The following EFCAB11 variants were observed in gnomAD, a reference collection of about 807,000 sequenced individuals.
EFCAB11 encodes the protein EF-hand calcium-binding domain-containing protein 11.
In EFCAB11, 14 loss-of-function variants were observed where a neutral mutation model predicts 23.0. The ratio of observed to expected loss-of-function variants is 0.61; its 90% confidence interval spans 0.40 to 0.95. The LOEUF is 0.95. EFCAB11 is among the 40% of genes least tolerant of loss of function. EFCAB11 has a pLI of 0.00. For synonymous variants in EFCAB11, 65 were observed against 66.6 expected, an observed-to-expected ratio of 0.98 and a Z score of 0.11; for missense variants, 198 against 195.8, an observed-to-expected ratio of 1.01 and a Z score of -0.07.
intron 5 of EFCAB11, among the ~76,000 whole-genome samples, chr14:89,834,158 C>T (rs925835527): frequency 9.9e-5 from 15 of 150,790 alleles, no homozygotes; most frequent in Non-Finnish European, 2.1e-4. Flanking sequence ...ATAGAGACCA[C>T]AAGGTCAGGA....
At chr14:89,875,382 G>A (rs1471402569) in intron 5 of EFCAB11, among the ~76,000 whole-genome samples, 1 of 152,162 alleles carries the variant, frequency 6.6e-6, no homozygotes, top group Non-Finnish European at 1.5e-5. Flanking sequence ...AATTCAAGAT[G>A]AGATTTGGGT....
At chr14:89,934,271 T>C (rs942263439) in intron 3 of EFCAB11, among the ~76,000 whole-genome samples, 3 of 151,882 alleles carry the variant, frequency 2.0e-5, no homozygotes, top group East Asian at 3.9e-4. Context: ...TGGCAAGAGA[T>C]GTGGTTGCCA....
intron 5 of EFCAB11, among the ~76,000 whole-genome samples, chr14:89,802,068 A>G (rs748455247): frequency 6.6e-6 from 1 of 152,182 alleles, no homozygotes; most frequent in African/African-American, 2.4e-5. Context: ...TGTTGACATC[A>G]TAACAATTTC....
chr14:89,925,586 A>C (rs1240591196), intron 5 of EFCAB11, among the ~76,000 whole-genome samples: 1 of 152,142 alleles, frequency 6.6e-6, no homozygotes, highest in East Asian at 1.9e-4. Flanking sequence ...TCTTTGATAC[A>C]GTACACAAAC....
intron 5 of EFCAB11, chr14:89,924,365 G>T (rs1890120224): frequency 2.6e-6 from 3 of 1,160,194 alleles, no homozygotes; most frequent in African/African-American, 3.2e-5. Context: ...GTGGCAATCT[G>T]CCTGTGCACT....
intron 5 of EFCAB11, among the ~76,000 whole-genome samples, chr14:89,884,188 G>A (rs925635196): frequency 1.3e-5 from 2 of 152,040 alleles, no homozygotes; most frequent in Non-Finnish European, 2.9e-5. Context: ...TTATACAATT[G>A]TATATCCTCT....
chr14:89,909,318 C>T (rs1370684497), intron 5 of EFCAB11, among the ~76,000 whole-genome samples: 1 of 152,230 alleles, frequency 6.6e-6, no homozygotes, highest in Non-Finnish European at 1.5e-5. Flanking sequence ...TGACTCACGC[C>T]TGTAATCCCA....
chr14:89,843,803 C>A (rs557455337), intron 5 of EFCAB11, among the ~76,000 whole-genome samples: 1 of 152,182 alleles, frequency 6.6e-6, no homozygotes, highest in Non-Finnish European at 1.5e-5. Context: ...AACGTTAGCA[C>A]ATTTCATTAT....
rs1462313068 is a variant in EFCAB11, at chr14:89,835,193, C to T, written c.411-37869G>A. On this transcript the variant is annotated intron_variant, in intron 5 of 5. Coordinates refer to ENST00000316738, the MANE Select transcript of EFCAB11 (RefSeq NM_145231.4). ...TTCTGTGGAAACCAGAAAGAGCTGC[C>T]TGAGAGAACACAGCAGGATGCCCGG... Among the ~76,000 whole-genome samples, 3 of 152,310 alleles carry T rather than the reference C, an allele frequency of 2.0e-5. No homozygotes were observed. The East Asian group carries it at 5.8e-4, about 29-fold the overall frequency.
chr14:89,954,691 C>G lies in EFCAB11; in HGVS notation c.-31G>C, dbSNP rs377351030. On this transcript the variant is annotated 5_prime_UTR_variant, in exon 1 of 6. Coordinates refer to ENST00000316738, the MANE Select transcript of EFCAB11 (RefSeq NM_145231.4). ...CTACAACAACCGAGCCCCAGCAACC[C>G]AACCAGCTACCACCGCTTTCCCAGC... is the stretch of plus-strand genomic sequence containing the variant. 1.2e-6 allele frequency: 2 copies of G among 1,602,134 alleles called. No individual in the cohort carries two copies. The highest frequency in any genetic ancestry group is 1.7e-5 in the Admixed American group (1 of 59,150).
At chr14:89,846,824 T>C (rs888286478) in intron 5 of EFCAB11, among the ~76,000 whole-genome samples, 7 of 152,178 alleles carry the variant, frequency 4.6e-5, no homozygotes, top group Non-Finnish European at 8.8e-5. Flanking sequence ...CTCTGCCTCC[T>C]TGATCTTCTA....
At position 89,954,350 on chromosome 14, in the gene EFCAB11, G is replaced by A. The variant is rs1352025218; in HGVS notation, c.75+236C>T. 7 of 1,535,930 alleles carry A rather than the reference G, an allele frequency of 4.6e-6. No individual in the cohort carries two copies. The African/African-American group carries it at 6.8e-5, about 15-fold the overall frequency. On this transcript the variant is annotated intron_variant, in intron 1 of 5. Coordinates refer to ENST00000316738, the MANE Select transcript of EFCAB11 (RefSeq NM_145231.4). ...AAGGCGGGAGAGATGCAGACTCAAGGTTACCATTAATAGACTATATAGAGA... is the reference window on the plus strand; with the variant it reads ...AAGGCGGGAGAGATGCAGACTCAAGATTACCATTAATAGACTATATAGAGA...
At chr14:89,822,532 G>A (rs888728980) in intron 5 of EFCAB11, among the ~76,000 whole-genome samples, 1 of 152,176 alleles carries the variant, frequency 6.6e-6, no homozygotes, top group Non-Finnish European at 1.5e-5. Context: ...GAGGCTGAGA[G>A]TCTAGAATTT....
chr14:89,883,059 C>T (rs1001236748), intron 5 of EFCAB11, among the ~76,000 whole-genome samples: 6 of 152,106 alleles, frequency 3.9e-5, no homozygotes, highest in Non-Finnish European at 7.4e-5. Context: ...CTTTGCCTTC[C>T]ACCAAGAGTG....
At position 89,932,585 on chromosome 14, in the gene EFCAB11, T is replaced by C. The variant is rs759315895; in HGVS notation, c.260A>G (p.Lys87Arg). The C allele has an allele frequency of 5.6e-6, 9 of 1,613,880 alleles. No homozygotes were observed. In the East Asian group the frequency reaches 6.7e-5, roughly 12 times the overall value. Residue 87 changes from lysine to arginine, a missense_variant, in exon 4 of 6, where the codon AAG (lysine) becomes AGG (arginine). Coordinates refer to ENST00000316738, the MANE Select transcript of EFCAB11 (RefSeq NM_145231.4). ...EGFLNIVRKK[K>R]EAQRYRNEVR... The stretch of plus-strand genomic sequence containing the variant: ...TTCGTTCCGATATCGTTGAGCTTCC[T>C]TCTTTTTCCTGACAATATTTAAAAA...
rs554637156 is a variant in EFCAB11, at chr14:89,951,885, A to G, written c.172-1743T>C. The stretch of plus-strand genomic sequence containing the variant: ...GGTTGCAGTGAGCCTAGATCACGCC[A>G]CTACACTCTAGCCTGGGTGACAGAG... On this transcript the variant is annotated intron_variant, in intron 2 of 5. Coordinates refer to ENST00000316738, the MANE Select transcript of EFCAB11 (RefSeq NM_145231.4). 3.3e-5 allele frequency among the ~76,000 whole-genome samples: 5 copies of G among 152,336 alleles called. No homozygotes were observed. The East Asian group carries it at 9.6e-4, about 29-fold the overall frequency.
Position 89,797,174 on chromosome 14 carries a change from G to T in EFCAB11, c.*69C>A. The T allele has an allele frequency of 7.1e-7, 1 of 1,404,358 alleles. No homozygotes were observed. Among genetic ancestry groups the T allele is most frequent in the Non-Finnish European group, 9.9e-7 (1 of 1,007,116 alleles). 87.0% of individuals were successfully genotyped at this position (1,404,358 alleles called of 1,614,324 possible). ...ACAAGTCTGTAGCATGACATCATTA[G>T]TAGAGTCGAGTCTGCTGACATTACA... On this transcript the variant is annotated 3_prime_UTR_variant, in exon 6 of 6. Transcript: ENST00000316738.
At chr14:89,883,947 G>A (rs2140179023) in intron 5 of EFCAB11, among the ~76,000 whole-genome samples, 1 of 152,246 alleles carries the variant, frequency 6.6e-6, no homozygotes, top group East Asian at 1.9e-4. Context: ...GCAACAGAGT[G>A]AGACCTCATC....
intron 3 of EFCAB11, among the ~76,000 whole-genome samples, chr14:89,945,495 T>G (rs537106040): frequency 1.4e-3 from 206 of 152,344 alleles, no homozygotes; most frequent in African/African-American, 4.5e-3. Context: ...TATTTAGAAG[T>G]GTGCTATTTG....
Sources: gnomAD v4.1 joint callset for allele counts (sites outside exome capture counted in the v4.1 genomes callset) on GRCh38, gnomAD v4.1.1 for gene constraint, MANE v1.5 for transcripts, NCBI Gene and HGNC (gene_info 2026-07-23, HGNC 2026-07-21) for gene names.